The following CDH13 variants were observed in gnomAD, a reference collection of about 807,000 sequenced individuals.
The protein encoded by CDH13 is cadherin 13.
Under a neutral mutation model 63.8 loss-of-function variants are expected in CDH13, and 24 were observed. That is an observed-to-expected ratio of 0.38 (90% confidence interval 0.27 to 0.53). The LOEUF (loss-of-function observed/expected upper bound fraction) is 0.53. Ranked by LOEUF, CDH13 falls within the 20% of genes least tolerant of loss-of-function variation. CDH13 has a pLI of 0.85. For missense variants in CDH13, 1,049 were observed against 903.1 expected, an observed-to-expected ratio of 1.16 and a Z score of -2.07; for synonymous variants, 503 against 355.3, an observed-to-expected ratio of 1.42 and a Z score of -4.67.
chr16:83,206,695 A>G (rs1007318245), intron 4 of CDH13, among the ~76,000 whole-genome samples: 1 of 152,204 alleles, frequency 6.6e-6, no homozygotes, highest in African/African-American at 2.4e-5. Flanking sequence ...TGGCTCTTAA[A>G]CCACAAGAGT....
At chr16:82,823,355 G>T (rs1457177045) in intron 1 of CDH13, 1 of 152,036 alleles carries the variant, frequency 6.6e-6, no homozygotes, top group African/African-American at 2.4e-5. Context: ...TATATAATCT[G>T]ACGCAGTTAC....
Position 83,800,183 on chromosome 16 carries a change from T to A in CDH13, c.*5153T>A, listed in dbSNP as rs948059557. On this transcript the variant is annotated 3_prime_UTR_variant, in exon 14 of 14. Coordinates refer to ENST00000567109, the MANE Select transcript of CDH13 (RefSeq NM_001257.5). ...TGTAGGACGAGGGAGGTTTTCACTC[T>A]GAAGCTATGAAGATTTGGAGAAAGG... 1 of 151,062 alleles carries A rather than the reference T, an allele frequency of 6.6e-6. No individual in the cohort carries two copies. Among genetic ancestry groups the A allele is most frequent in the African/African-American group, 2.4e-5 (1 of 41,032 alleles). 9.4% of individuals were successfully genotyped at this position (151,062 alleles called of 1,614,324 possible). A position where few individuals can be genotyped will look rare whatever the true frequency, so the allele number is the denominator to read the frequency against.
chr16:83,651,678 C>T (rs949144201), intron 8 of CDH13, among the ~76,000 whole-genome samples: 8 of 148,782 alleles, frequency 5.4e-5, no homozygotes, highest in African/African-American at 2.0e-4. Context: ...TCACTACAAC[C>T]TCTGCCTCCC....
At chr16:83,572,912 G>C (rs553903363) in intron 7 of CDH13, among the ~76,000 whole-genome samples, 76 of 152,276 alleles carry the variant, frequency 5.0e-4, no homozygotes, top group African/African-American at 1.8e-3. Context: ...ATGAGGCAAA[G>C]AATCCAAACT....
intron 2 of CDH13, among the ~76,000 whole-genome samples, chr16:82,962,900 T>C (rs1907235081): frequency 6.6e-6 from 1 of 152,152 alleles, no homozygotes; most frequent in East Asian, 1.9e-4. Context: ...GACACATATC[T>C]TTAAAAAAAT....
chr16:83,182,447 G>A (rs1237210307), intron 4 of CDH13, among the ~76,000 whole-genome samples: 2 of 152,052 alleles, frequency 1.3e-5, no homozygotes. Context: ...AACCCCTCTG[G>A]GACATTTCTG....
chr16:83,096,456 T>C (rs567833023), intron 3 of CDH13, among the ~76,000 whole-genome samples: 6 of 152,326 alleles, frequency 3.9e-5, no homozygotes, highest in South Asian at 4.1e-4. Context: ...CTCTGTACCA[T>C]AGCTAAAGGA....
At chr16:83,060,303 G>C (rs972653400) in intron 3 of CDH13, among the ~76,000 whole-genome samples, 1 of 152,176 alleles carries the variant, frequency 6.6e-6, no homozygotes, top group Non-Finnish European at 1.5e-5. Context: ...CAGTCCAGCT[G>C]AAAAATTGTG....
At chr16:83,619,783 C>T (rs944548322) in intron 8 of CDH13, among the ~76,000 whole-genome samples, 2 of 152,246 alleles carry the variant, frequency 1.3e-5, no homozygotes, top group Non-Finnish European at 2.9e-5. Context: ...TCAAGGTCCT[C>T]TTTCCAAATA....
intron 2 of CDH13, among the ~76,000 whole-genome samples, chr16:82,865,608 T>C (rs1285531666): frequency 6.6e-6 from 1 of 152,232 alleles, no homozygotes; most frequent in East Asian, 1.9e-4. Context: ...GCCCTGGGTC[T>C]GGCCCATGAG....
At chr16:82,983,969 C>G (rs1012336573) in intron 2 of CDH13, among the ~76,000 whole-genome samples, 1 of 152,172 alleles carries the variant, frequency 6.6e-6, no homozygotes, top group African/African-American at 2.4e-5. Context: ...GGAGGCATAT[C>G]TGCCATAGAT....
intron 2 of CDH13, among the ~76,000 whole-genome samples, chr16:83,010,127 C>G (rs71402047): frequency 7.6e-5 from 3 of 39,328 alleles, no homozygotes; most frequent in South Asian, 1.9e-3. Flanking sequence ...AAGAGCAAAA[C>G]TCTGTCTCAA....
chr16:82,796,024 C>T (rs1238791958), intron 1 of CDH13, among the ~76,000 whole-genome samples: 1 of 149,316 alleles, frequency 6.7e-6, no homozygotes, highest in Non-Finnish European at 1.5e-5. Context: ...GCCTGGGATA[C>T]AAACTAATGG....
chr16:82,666,155 A>G (rs577310160), intron 1 of CDH13, among the ~76,000 whole-genome samples: 3 of 152,136 alleles, frequency 2.0e-5, no homozygotes, highest in Admixed American at 6.6e-5. Context: ...GCCAAAAAAT[A>G]TAGCTGCTGG....
chr16:82,642,553 G>C (rs1909545708), intron 1 of CDH13, among the ~76,000 whole-genome samples: 1 of 152,128 alleles, frequency 6.6e-6, no homozygotes, highest in Non-Finnish European at 1.5e-5. Flanking sequence ...GATGAGACTT[G>C]ACTATATTCA....
intron 7 of CDH13, among the ~76,000 whole-genome samples, chr16:83,581,901 C>T (rs770772434): frequency 1.3e-5 from 2 of 152,194 alleles, no homozygotes; most frequent in Non-Finnish European, 2.9e-5. Flanking sequence ...TCCTCCTTAG[C>T]ACATACCACT....
chr16:83,767,926 T>C (rs1914508466), intron 11 of CDH13, among the ~76,000 whole-genome samples: 1 of 152,112 alleles, frequency 6.6e-6, no homozygotes, highest in African/African-American at 2.4e-5. Flanking sequence ...GTAGTGGTGA[T>C]GGTCGCACAA....
intron 10 of CDH13, among the ~76,000 whole-genome samples, chr16:83,741,878 A>T (rs1019715916): frequency 1.7e-4 from 26 of 152,276 alleles, no homozygotes; most frequent in Middle Eastern, 3.4e-3. Context: ...TGAACTGCAC[A>T]CACAAGGGAT....
intron 1 of CDH13, among the ~76,000 whole-genome samples, chr16:82,792,377 T>G (rs1489127214): frequency 2.6e-5 from 4 of 152,142 alleles, no homozygotes; most frequent in African/African-American, 7.2e-5. Context: ...TGGGTGTGTG[T>G]GTGGGGCGTC....
Sources: gnomAD v4.1 joint callset for allele counts (sites outside exome capture counted in the v4.1 genomes callset) on GRCh38, gnomAD v4.1.1 for gene constraint, MANE v1.5 for transcripts, NCBI Gene and HGNC (gene_info 2026-07-23, HGNC 2026-07-21) for gene names.